LARGE1: variants seen among roughly 807,000 people sequenced by gnomAD.
The protein encoded by LARGE1 is xylosyl- and glucuronyltransferase LARGE1.
In LARGE1, 43 loss-of-function variants were observed where a neutral mutation model predicts 87.6. The ratio of observed to expected loss-of-function variants is 0.49; its 90% CI spans 0.38 to 0.63. The LOEUF (loss-of-function observed/expected upper bound fraction) is 0.63. Among genes scored for constraint, LARGE1 ranks in the 30% least tolerant of loss-of-function variants. The pLI, the probability that LARGE1 is intolerant of heterozygous loss-of-function variation, is 0.00. For missense variants in LARGE1, 802 were observed against 1,000.2 expected (o/e 0.80, Z 2.67); for synonymous variants, 434 against 394.6 (o/e 1.10, Z -1.18).
chr22:33,348,281 C>A (rs62732862), intron 9 of LARGE1, among the ~76,000 whole-genome samples: 1 of 30,698 alleles, frequency 3.3e-5, no homozygotes, highest in Non-Finnish European at 6.2e-5. Context: ...CCCCCACCCA[C>A]CCCCCCCCAA....
chr22:33,807,808 T>C (rs1044466463), intron 1 of LARGE1, among the ~76,000 whole-genome samples: 1 of 152,228 alleles, frequency 6.6e-6, no homozygotes, highest in Non-Finnish European at 1.5e-5. Flanking sequence ...TTTAAATTTC[T>C]TCCATGTCTT....
intron 6 of LARGE1, among the ~76,000 whole-genome samples, chr22:33,516,614 C>A (rs2071316116): frequency 1.3e-5 from 2 of 152,000 alleles, no homozygotes; most frequent in African/African-American, 2.4e-5. Flanking sequence ...ATTTTTGAGA[C>A]AGTCTCCTTC....
intron 2 of LARGE1, among the ~76,000 whole-genome samples, chr22:33,660,024 C>G (rs2081073836): frequency 6.8e-6 from 1 of 147,706 alleles, no homozygotes; most frequent in Admixed American, 6.7e-5. Flanking sequence ...CAGTTTTTGT[C>G]TTTTGAAACT....
intron 9 of LARGE1, among the ~76,000 whole-genome samples, chr22:33,377,038 C>A (rs763631393): frequency 4.6e-5 from 7 of 152,118 alleles, no homozygotes; most frequent in Non-Finnish European, 1.0e-4. Flanking sequence ...GACATGAAAA[C>A]CTAACTAAAG....
intron 1 of LARGE1, among the ~76,000 whole-genome samples, chr22:33,777,572 G>T (rs1238131310): frequency 1.3e-5 from 2 of 148,858 alleles, no homozygotes; most frequent in African/African-American, 2.5e-5. Context: ...GAGCCCAGGA[G>T]GTCAAGGCTG....
At chr22:33,217,271 T>TC (rs1429469611) in intron 11 of LARGE1, among the ~76,000 whole-genome samples, 1 of 151,804 alleles carries the variant, frequency 6.6e-6, no homozygotes, top group African/African-American at 2.4e-5. Context: ...GCAGTAGTTC[T>TC]CCAGGACTGA....
At chr22:33,111,312 G>A in the LARGE1 span, among the ~76,000 whole-genome samples, 1 of 152,150 alleles carries the variant, frequency 6.6e-6, no homozygotes, top group Non-Finnish European at 1.5e-5. Context: ...TCCCTTGTGA[G>A]ACTCTGACTC....
At chr22:33,287,082 C>T (rs537075312) in intron 12 of LARGE1, among the ~76,000 whole-genome samples, 1 of 152,356 alleles carries the variant, frequency 6.6e-6, no homozygotes, top group Non-Finnish European at 1.5e-5. Context: ...GCTCTAAAGA[C>T]TTCTGAACTG....
At chr22:33,404,948 G>A (rs578172906) in intron 7 of LARGE1, among the ~76,000 whole-genome samples, 2 of 152,248 alleles carry the variant, frequency 1.3e-5, no homozygotes, top group Admixed American at 6.5e-5. Flanking sequence ...TAGTCATCAC[G>A]GCCACAAAAG....
In LARGE1 at chr22:33,755,026, AT is replaced by A. The variant is rs2084458299; in HGVS notation, c.106+6344del. ...TATTCCACCACACAAGTGCCCTGGG[AT>A]TCCCCCATAATAATAAGGCAAAGAA... On this transcript the variant is annotated intron_variant, in intron 2 of 14. Transcript: ENST00000397394. Among the ~76,000 whole-genome samples, 3 of 152,310 alleles carry A rather than the reference AT, an allele frequency of 2.0e-5. No individual in the cohort carries two copies. The South Asian group carries it at 6.2e-4, about 32-fold the overall frequency.
At chr22:33,096,926 T>C in the LARGE1 span, among the ~76,000 whole-genome samples, 1 of 152,234 alleles carries the variant, frequency 6.6e-6, no homozygotes, top group East Asian at 1.9e-4. Context: ...TGTTCAAATC[T>C]GAGTTCTTTA....
intron 6 of LARGE1, among the ~76,000 whole-genome samples, chr22:33,510,311 C>T (rs2070996011): frequency 6.6e-6 from 1 of 152,174 alleles, no homozygotes; most frequent in Admixed American, 6.5e-5. Flanking sequence ...GCATTTTATA[C>T]ATATTTACTG....
intron 11 of LARGE1, among the ~76,000 whole-genome samples, chr22:33,215,833 G>C (rs1351917589): frequency 6.6e-6 from 1 of 152,182 alleles, no homozygotes; most frequent in East Asian, 1.9e-4. Flanking sequence ...GCGCATGCCT[G>C]TAATCCCAGC....
chr22:33,851,752 T>C (rs188753567), intron 1 of LARGE1, among the ~76,000 whole-genome samples: 1 of 152,292 alleles, frequency 6.6e-6, no homozygotes, highest in Admixed American at 6.5e-5. Flanking sequence ...CTCAGGGAAA[T>C]GTAGTTTTGC....
chr22:33,107,591 G>A, the LARGE1 span, among the ~76,000 whole-genome samples: 22,350 of 152,128 alleles, frequency 0.15, 2,081 homozygotes, highest in East Asian at 0.4. Flanking sequence ...TTAGTCAGGC[G>A]CAGTGGCTCA....
At chr22:33,886,675 G>GAAAAGAAAGAAAAAAAAAAAAAAAAAA (rs2064857346) in intron 1 of LARGE1, among the ~76,000 whole-genome samples, 1 of 64,718 alleles carries the variant, frequency 1.5e-5, no homozygotes, top group African/African-American at 4.4e-5. Context: ...AAAAAAAAAA[G>GAAAAGAAAGAAAAAAAAAAAAAAAAAA]AAAAAAAAAG....
chr22:33,412,992 T>C (rs1057150324), intron 7 of LARGE1, among the ~76,000 whole-genome samples: 10 of 152,228 alleles, frequency 6.6e-5, no homozygotes, highest in African/African-American at 2.2e-4. Context: ...GTTTAACAAC[T>C]GGATCCCATA....
chr22:33,185,822 AAC>A (rs1923444128), intron 11 of LARGE1, among the ~76,000 whole-genome samples: 1 of 152,204 alleles, frequency 6.6e-6, no homozygotes, highest in South Asian at 2.1e-4. Context: ...TAAGACAGAA[AAC>A]ACAATTAACA....
intron 6 of LARGE1, among the ~76,000 whole-genome samples, chr22:33,483,933 C>A (rs992845688): frequency 1.6e-4 from 24 of 152,290 alleles, no homozygotes; most frequent in African/African-American, 5.8e-4. Context: ...CAACACCATC[C>A]TTTGGAAGGT....
Sources: gnomAD v4.1 joint callset for allele counts (sites outside exome capture counted in the v4.1 genomes callset) on GRCh38, gnomAD v4.1.1 for gene constraint, MANE v1.5 for transcripts, NCBI Gene and HGNC (gene_info 2026-07-23, HGNC 2026-07-21) for gene names.